The following KRT74 variants were observed in gnomAD, a reference collection of about 807,000 sequenced individuals.
The protein encoded by KRT74 is keratin, type II cytoskeletal 74.
KRT74 carries 43 observed loss-of-function variants against 42.7 expected under a neutral mutation model. The observed-to-expected ratio is 1.01, with a 90% confidence interval of 0.79 to 1.30. The LOEUF (loss-of-function observed/expected upper bound fraction) is 1.30. KRT74 is among the 50% of genes most tolerant of loss of function. The pLI is 0.00. For synonymous variants in KRT74, 302 were observed against 279.0 expected, an observed-to-expected ratio of 1.08 and a Z score of -0.82; for missense variants, 736 against 689.1, an observed-to-expected ratio of 1.07 and a Z score of -0.76.
chr12:52,568,516 C>G, intron 6 of KRT74, 127 bp from the exon 7 acceptor site: 1 of 954,160 alleles, frequency 1.0e-6, no homozygotes, highest in Non-Finnish European at 1.6e-6. Context: ...GCTGCAAAGC[C>G]AACACCAGAA....
At chr12:52,567,750 A>C in intron 7 of KRT74, 57 bp from the exon 8 acceptor site, 2 of 1,267,172 alleles carry the variant, frequency 1.6e-6, no homozygotes, top group Non-Finnish European at 2.3e-6. Flanking sequence ...TCCACTAAAC[A>C]TCAATGGGCT....
rs1592211374 is a variant in KRT74 at position 52,566,869 on chromosome 12, T to C, written c.*100A>G. On this transcript the variant is annotated 3_prime_UTR_variant, in exon 9 of 9. Transcript: ENST00000305620. ...AGACAGTTGAGTGTACTACAGACAGTTTTAAAACTCAGGGCCTGGGAACTT... is the reference window on the plus strand; with the variant it reads ...AGACAGTTGAGTGTACTACAGACAGCTTTAAAACTCAGGGCCTGGGAACTT... 1.0e-6 allele frequency: 1 copy of C among 980,474 alleles called. No individual in the cohort carries two copies. The highest frequency in any genetic ancestry group is 2.4e-5 in the East Asian group (1 of 41,176). 60.7% of individuals were successfully genotyped at this position (980,474 alleles called of 1,614,324 possible).
In KRT74 at chr12:52,566,702, A is replaced by G. The variant is rs1208912880; in HGVS notation, c.*267T>C. On this transcript the variant is annotated 3_prime_UTR_variant, in exon 9 of 9. Transcript: ENST00000305620. ...CAGCTTCCTTAGGGCCAAGAAGGTT[A>G]TAATGGCTTGTGCCTCCAAAGCCTC... 4.9e-6 allele frequency: 2 copies of G among 405,336 alleles called. No individual in the cohort carries two copies. The highest frequency in any genetic ancestry group is 8.8e-6 in the Non-Finnish European group (2 of 227,152). The allele number at this position is 405,336 out of a possible 1,614,324, so 25.1% of individuals were successfully genotyped here. A position where few individuals can be genotyped will look rare whatever the true frequency, so the allele number is the denominator to read the frequency against.
In KRT74 at chr12:52,570,733, C is replaced by A. The variant is rs200558741; in HGVS notation, c.944G>T (p.Arg315Leu). ...LDLDSIIAEV[R>L]MHYEEIALKS... is the part of the protein sequence containing the mutation. The stretch of plus-strand genomic sequence containing the variant: ...CAGGGCGATCTCCTCATAATGCATG[C>A]GGACCTCAGCGATGATGCTGTCAAG... Residue 315 changes from arginine to leucine, a missense_variant, in exon 5 of 9, where the codon CGC becomes CTC. Arg to Leu is a moderately radical substitution (Grantham distance 102). Coordinates refer to ENST00000305620, the MANE Select transcript of KRT74 (RefSeq NM_175053.4). The A allele has an allele frequency of 2.5e-6, 4 of 1,614,216 alleles. No individual in the cohort carries two copies. The Admixed American group carries it at 5.0e-5, about 20-fold the overall frequency.
Position 52,567,675 on chromosome 12 carries a change from T to G in KRT74, c.1374A>C (p.Pro458=). 1.9e-6 allele frequency: 3 copies of G among 1,612,758 alleles called. No homozygotes were observed. Among genetic ancestry groups the G allele is most frequent in the Non-Finnish European group, 2.5e-6 (3 of 1,178,812 alleles). Residue 458 remains proline, a synonymous_variant, in exon 8 of 9, where the codon CCA becomes CCC. Transcript: ENST00000305620. ...GEECRMSGEN[P]SSVSISVISS... is the part of the protein sequence containing the mutation. ...AATACTCACAGATGCTCACAGAGGA[T>G]GGATTCTCACCAGACATCCTGTGAG... is the stretch of plus-strand genomic sequence containing the variant.
rs1939442412 is a variant in KRT74, at chr12:52,569,794, G to A, written c.1134+65C>T. ...ATATTTGCTTGTTCCCAAAGGGCAG[G>A]CCCCATTTCCTCATCCCAGAGCCTG... is the stretch of plus-strand genomic sequence containing the variant. On this transcript the variant is annotated intron_variant, in intron 6 of 8. Coordinates refer to ENST00000305620, the MANE Select transcript of KRT74 (RefSeq NM_175053.4). 14 of 1,603,792 alleles carry A rather than the reference G, an allele frequency of 8.7e-6. No individual in the cohort carries two copies. The Admixed American group carries it at 1.2e-4, about 13-fold the overall frequency.
In KRT74 at chr12:52,571,930, C is replaced by A; in HGVS notation, c.747+14G>T. 6.6e-7 allele frequency: 1 copy of A among 1,504,164 alleles called. No homozygotes were observed. The highest frequency in any genetic ancestry group is 9.3e-7 in the Non-Finnish European group (1 of 1,080,258). 93.2% of individuals were successfully genotyped at this position (1,504,164 alleles called of 1,614,324 possible). ...TGCGAGAGACCCTAATAAGGAGGCT[C>A]CTCCCTCTCTTACCTTCTTAAGCAC... On this transcript the variant is annotated intron_variant, in intron 3 of 8. Coordinates refer to ENST00000305620, the MANE Select transcript of KRT74 (RefSeq NM_175053.4).
At chr12:52,571,900 G>C in intron 3 of KRT74, 44 bp downstream of exon 3, 1 of 1,264,742 alleles carries the variant, frequency 7.9e-7, no homozygotes, top group Non-Finnish European at 1.2e-6. Flanking sequence ...TTGTTAAGAT[G>C]GGGGTGCGAG....
At chr12:52,571,511 GC>G in intron 3 of KRT74, 57 bp from the exon 4 acceptor site, 1 of 1,272,314 alleles carries the variant, frequency 7.9e-7, no homozygotes. Context: ...CAGCTGCCCT[GC>G]CCAACTCCTG....
chr12:52,570,487 C>T (rs1437668995), intron 5 of KRT74, among the ~76,000 whole-genome samples, 182 bp downstream of exon 5: 2 of 152,256 alleles, frequency 1.3e-5, no homozygotes, highest in Admixed American at 6.5e-5. Flanking sequence ...TCAATCCATA[C>T]CAGTTTCATG....
chr12:52,569,468 G>A, intron 6 of KRT74: 2 of 616,592 alleles, frequency 3.2e-6, no homozygotes, highest in Non-Finnish European at 2.9e-6. Flanking sequence ...GGAGACAGAG[G>A]GTCTGCCCTC....
rs1426311417 is a variant in KRT74 at position 52,573,593 on chromosome 12, T to A, written c.185A>T (p.Asn62Ile). 6.2e-7 allele frequency: 1 copy of A among 1,614,030 alleles called. No homozygotes were observed. Among genetic ancestry groups the A allele is most frequent in the Non-Finnish European group, 8.5e-7 (1 of 1,180,036 alleles). Residue 62 changes from asparagine (N) to isoleucine (I), a missense_variant, in exon 1 of 9, where the codon AAT becomes ATT. Asn to Ile is a moderately radical substitution (Grantham distance 149). Transcript: ENST00000305620. ...AGCCCGAACGCCGCCACCAGCCACATTGAAAGAAATACGCCGATTCCCTCC... is the reference window on the plus strand; with the variant it reads ...AGCCCGAACGCCGCCACCAGCCACAATGAAAGAAATACGCCGATTCCCTCC... ...SLGGNRRISF[N>I]VAGGGVRAGG...
chr12:52,571,302 C>T, intron 4 of KRT74, 57 bp downstream of exon 4: 1 of 1,077,318 alleles, frequency 9.3e-7, no homozygotes, highest in East Asian at 2.4e-5. Flanking sequence ...TTTGGTATCT[C>T]CCTGGAAGAG....
intron 7 of KRT74, among the ~76,000 whole-genome samples, chr12:52,567,957 G>A (rs1592211899): frequency 1.3e-5 from 2 of 151,698 alleles, no homozygotes; most frequent in African/African-American, 4.8e-5. Flanking sequence ...AGGTCTGTCT[G>A]AGCCCCCGGT....
chr12:52,572,990 C>T (rs1042939938), intron 1 of KRT74, among the ~76,000 whole-genome samples: 4 of 152,226 alleles, frequency 2.6e-5, no homozygotes, highest in African/African-American at 9.6e-5. Flanking sequence ...CCTCTGAACA[C>T]TGCTGGATTC....
At chr12:52,567,384 C>T (rs934471214) in intron 8 of KRT74, among the ~76,000 whole-genome samples, 1 of 152,142 alleles carries the variant, frequency 6.6e-6, no homozygotes, top group Non-Finnish European at 1.5e-5. Flanking sequence ...AGATACAGTC[C>T]CTGCCCTCCT....
chr12:52,569,956 C>T lies in KRT74; in HGVS notation c.1037G>A (p.Arg346Gln), dbSNP rs765632374. ...KIQELQLAAS[R>Q]HGDDLKHTRS... is the part of the protein sequence containing the mutation. ...GGTGTGTTTCAGGTCGTCACCATGC[C>T]GACTGGCTGCCAGCTGCAGCTCCTG... The change falls in exon 6 of 9, where the codon CGG becomes CAG. Residue 346 changes from arginine to glutamine, a missense_variant. Coordinates refer to ENST00000305620, the MANE Select transcript of KRT74 (RefSeq NM_175053.4). The T allele has an allele frequency of 1.6e-5, 26 of 1,614,090 alleles. No homozygotes were observed. Among genetic ancestry groups the T allele is most frequent in the African/African-American group, 9.3e-5 (7 of 75,016 alleles).
At position 52,567,123 on chromosome 12, in the gene KRT74, G is replaced by T. The variant is rs771181093; in HGVS notation, c.1436C>A (p.Ala479Glu). The T allele has an allele frequency of 6.2e-7, 1 of 1,605,178 alleles. No individual in the cohort carries two copies. ...SSYSYHHPSS[A>E]GVDLGASAVA... is the part of the protein sequence containing the mutation. The stretch of plus-strand genomic sequence containing the variant: ...AGCGCTGGCCCCAAGGTCAACACCC[G>T]CAGAGCTGGGGTGGTGGTAGCTGTA... Residue 479 changes from alanine (A) to glutamate (E), a missense_variant, in exon 9 of 9, where the codon GCG becomes GAG. Ala to Glu is a moderately radical substitution (Grantham distance 107). Transcript: ENST00000305620.
In KRT74 at chr12:52,573,456, G is replaced by A; in HGVS notation, c.322C>T (p.Pro108Ser). 6.2e-7 allele frequency: 1 copy of A among 1,614,192 alleles called. No homozygotes were observed. The highest frequency in any genetic ancestry group is 1.1e-5 in the South Asian group (1 of 91,080). Residue 108 changes from proline (P) to serine (S), a missense_variant, in exon 1 of 9, where the codon CCA becomes TCA. Coordinates refer to ENST00000305620, the MANE Select transcript of KRT74 (RefSeq NM_175053.4). ...ALGPACLSVC[P>S]PGGIHQVTVN... ...GTGACCTGGTGGATGCCCCCAGGTGGGCACACAGACAAACATGCAGGCCCC... is the reference window on the plus strand; with the variant it reads ...GTGACCTGGTGGATGCCCCCAGGTGAGCACACAGACAAACATGCAGGCCCC...
Sources: allele counts gnomAD v4.1 joint callset (sites outside exome capture counted in the v4.1 genomes callset), GRCh38; gene constraint gnomAD v4.1.1; transcripts MANE v1.5; gene names NCBI Gene and HGNC (gene_info 2026-07-23, HGNC 2026-07-21).